Variants in ZNF652 observed in about 807,000 individuals in gnomAD.
ZNF652 encodes the protein zinc finger protein 652.
In ZNF652, 16 loss-of-function variants were observed where a neutral mutation model predicts 45.2. The observed-to-expected ratio is 0.35, with a 90% CI of 0.24 to 0.54. The LOEUF (loss-of-function observed/expected upper bound fraction) is 0.54, where lower values mean the gene tolerates loss of function less well. Ranked by LOEUF, ZNF652 falls within the 20% of genes least tolerant of loss-of-function variation. The pLI is 0.91. For missense variants in ZNF652, 614 were observed against 765.6 expected (o/e 0.80, Z 2.34); for synonymous variants, 250 against 260.6 (o/e 0.96, Z 0.39).
At chr17:49,345,466 T>C (rs1385462181) in intron 1 of ZNF652, among the ~76,000 whole-genome samples, 2 of 151,148 alleles carry the variant, frequency 1.3e-5, no homozygotes, top group Non-Finnish European at 3.0e-5. Context: ...CCTCCCAAAG[T>C]GCTGGGATTA....
At position 49,295,140 on chromosome 17, in the gene ZNF652, C is replaced by T. The variant is rs891560402; in HGVS notation, c.*3273G>A. 6.9e-6 allele frequency: 1 copy of T among 145,016 alleles called. No individual in the cohort carries two copies. The highest frequency in any genetic ancestry group is 1.5e-5 in the Non-Finnish European group (1 of 67,270). The allele number at this position is 145,016 out of a possible 1,614,324, so 9.0% of individuals were successfully genotyped here. The stretch of plus-strand genomic sequence containing the variant: ...TTTTTTTTTGAGATGGAGTCTCGCT[C>T]TGTTGCCCAGGCTGGAGCGCAGTGG... On this transcript the variant is annotated 3_prime_UTR_variant, in exon 6 of 6. Transcript: ENST00000430262.
intron 2 of ZNF652, among the ~76,000 whole-genome samples, chr17:49,314,685 G>A (rs988774502): frequency 1.3e-5 from 2 of 152,078 alleles, no homozygotes; most frequent in African/African-American, 2.4e-5. Context: ...ATACTAGAAA[G>A]CTCTTGGTAA....
intron 5 of ZNF652, among the ~76,000 whole-genome samples, chr17:49,304,827 T>C (rs556347025): frequency 1.2e-4 from 18 of 152,132 alleles, no homozygotes; most frequent in African/African-American, 4.1e-4. Context: ...CATTCCAGTC[T>C]GCTTAGGGTG....
chr17:49,348,489 G>GAAAAGAAAAGAAAAGAAAAGAAAAGAA (rs2070232862), intron 1 of ZNF652, among the ~76,000 whole-genome samples: 12 of 38,872 alleles, frequency 3.1e-4, no homozygotes, highest in Middle Eastern at 0.013. Flanking sequence ...AAAAAGAAAA[G>GAAAAGAAAAGAAAAGAAAAGAAAAGAA]AAAAGAAAAG....
chr17:49,357,413 G>A (rs1476616498), intron 1 of ZNF652, among the ~76,000 whole-genome samples: 1 of 151,994 alleles, frequency 6.6e-6, no homozygotes, highest in Non-Finnish European at 1.5e-5. Flanking sequence ...CATAAAATCT[G>A]ACAGGTAAAG....
At chr17:49,326,353 T>C (rs2069956623) in intron 1 of ZNF652, among the ~76,000 whole-genome samples, 1 of 151,828 alleles carries the variant, frequency 6.6e-6, no homozygotes, top group Non-Finnish European at 1.5e-5. Flanking sequence ...TTGAAAGTTA[T>C]ACTGCCAAAA....
At chr17:49,354,775 G>T (rs1220987669) in intron 1 of ZNF652, among the ~76,000 whole-genome samples, 1 of 151,282 alleles carries the variant, frequency 6.6e-6, no homozygotes, top group African/African-American at 2.4e-5. Context: ...ACCCAGGCTG[G>T]AGTGCAGTGG....
chr17:49,337,414 C>G (rs143835032), intron 1 of ZNF652, among the ~76,000 whole-genome samples: 33 of 149,730 alleles, frequency 2.2e-4, no homozygotes, highest in Non-Finnish European at 3.9e-4. Flanking sequence ...TTACTTAGAA[C>G]AAAATTTAAC....
rs544870949 is a variant in ZNF652 at position 49,292,351 on chromosome 17, A to T, written c.*6062T>A. ...TGTTTCATCACGGAGGTGCTCGATC[A>T]TATTATATAAAACACTGCAACCTCC... On this transcript the variant is annotated 3_prime_UTR_variant, in exon 6 of 6. Coordinates refer to ENST00000430262, the MANE Select transcript of ZNF652 (RefSeq NM_001145365.3). Among the ~76,000 whole-genome samples the T allele has an allele frequency of 1.6e-4, 25 of 152,344 alleles. 1 individual carries two copies. In the Middle Eastern group the frequency reaches 0.01, roughly 62 times the overall value.
In ZNF652 at chr17:49,345,658, G is replaced by A. The variant is rs377618656; in HGVS notation, c.-259+16251C>T. ...AGATCGAGACCATCCTGGCTAACACGGTGAATCCCTGTCTCTACTAAAAAT... is the reference window on the plus strand; with the variant it reads ...AGATCGAGACCATCCTGGCTAACACAGTGAATCCCTGTCTCTACTAAAAAT... On this transcript the variant is annotated intron_variant, in intron 1 of 5. Coordinates refer to ENST00000430262, the MANE Select transcript of ZNF652 (RefSeq NM_001145365.3). 2.1e-4 allele frequency among the ~76,000 whole-genome samples: 31 copies of A among 151,042 alleles called. No homozygotes were observed. The East Asian group carries it at 4.2e-3, about 20-fold the overall frequency.
At chr17:49,358,087 G>T in intron 1 of ZNF652, among the ~76,000 whole-genome samples, 1 of 152,214 alleles carries the variant, frequency 6.6e-6, no homozygotes, top group East Asian at 1.9e-4. Flanking sequence ...GAACTGCTAG[G>T]AGTTTACATA....
chr17:49,336,280 C>A lies in ZNF652; in HGVS notation c.-258-18297G>T, dbSNP rs552998753. ...CCTCATGATCTGTCTGCCTCGGCCTCCCAGAGTGCTGGGATTACAGGCATG... is the reference window on the plus strand; with the variant it reads ...CCTCATGATCTGTCTGCCTCGGCCTACCAGAGTGCTGGGATTACAGGCATG... On this transcript the variant is annotated intron_variant, in intron 1 of 5. Coordinates refer to ENST00000430262, the MANE Select transcript of ZNF652 (RefSeq NM_001145365.3). 5.3e-5 allele frequency among the ~76,000 whole-genome samples: 8 copies of A among 151,698 alleles called. No homozygotes were observed. The South Asian group carries it at 1.5e-3, about 28-fold the overall frequency.
At chr17:49,314,382 G>C (rs916549764) in intron 2 of ZNF652, among the ~76,000 whole-genome samples, 1 of 151,982 alleles carries the variant, frequency 6.6e-6, no homozygotes, top group African/African-American at 2.4e-5. Flanking sequence ...GGCTGGTCTT[G>C]AACTCCTGAC....
At chr17:49,310,082 T>A (rs2069688699) in intron 5 of ZNF652, among the ~76,000 whole-genome samples, 1 of 152,130 alleles carries the variant, frequency 6.6e-6, no homozygotes, top group South Asian at 2.1e-4. Context: ...GCCTACTGAG[T>A]AGCTGGGACC....
intron 1 of ZNF652, among the ~76,000 whole-genome samples, chr17:49,334,576 C>T (rs756234449): frequency 6.6e-6 from 1 of 152,000 alleles, no homozygotes; most frequent in African/African-American, 2.4e-5. Flanking sequence ...TTCAGGAGTT[C>T]GAGACCAGCG....
At chr17:49,348,259 G>A (rs796864066) in intron 1 of ZNF652, among the ~76,000 whole-genome samples, 8 of 152,054 alleles carry the variant, frequency 5.3e-5, no homozygotes, top group African/African-American at 1.9e-4. Flanking sequence ...GGGAGGCTGA[G>A]GTGAGAGAAT....
In ZNF652 at chr17:49,301,971, G is replaced by T. The variant is rs1349000661; in HGVS notation, c.1310-3047C>A. 2.0e-5 allele frequency among the ~76,000 whole-genome samples: 3 copies of T among 152,034 alleles called. No individual in the cohort carries two copies. The East Asian group carries it at 5.8e-4, about 29-fold the overall frequency. On this transcript the variant is annotated intron_variant, in intron 5 of 5. Transcript: ENST00000430262. ...AATACCACTGAAAACAATGTTACAG[G>T]CTAGGTGAGGTGGCTCACACCTGGA...
At chr17:49,321,789 T>C (rs1253570654) in intron 1 of ZNF652, among the ~76,000 whole-genome samples, 1 of 152,162 alleles carries the variant, frequency 6.6e-6, no homozygotes, top group African/African-American at 2.4e-5. Context: ...GATCAAATGA[T>C]CAGTGAAACT....
At chr17:49,308,184 GTTTGT>G (rs564486222) in intron 5 of ZNF652, among the ~76,000 whole-genome samples, 153 of 151,806 alleles carry the variant, frequency 1.0e-3, no homozygotes, top group African/African-American at 3.5e-3. Context: ...TCTTTTTTTG[GTTTGT>G]TTTGTTTTTT....
Sources: allele counts gnomAD v4.1 joint callset (sites outside exome capture counted in the v4.1 genomes callset), GRCh38; gene constraint gnomAD v4.1.1; transcripts MANE v1.5; gene names NCBI Gene and HGNC (gene_info 2026-07-23, HGNC 2026-07-21).